The following ARHGAP30 variants were observed in gnomAD, a reference collection of about 807,000 sequenced individuals.
ARHGAP30 encodes Rho GTPase activating protein 30, also known as rho GTPase-activating protein 30.
ARHGAP30 carries 23 observed loss-of-function variants against 72.0 expected under a neutral mutation model. The observed-to-expected ratio is 0.32, with a 90% CI of 0.23 to 0.45. ARHGAP30 has a LOEUF of 0.45. ARHGAP30 is among the 20% of genes least tolerant of loss of function. The pLI is 1.00. For missense variants in ARHGAP30, 1,319 were observed against 1,383.4 expected (o/e 0.95, Z 0.74); for synonymous variants, 576 against 528.2 (o/e 1.09, Z -1.24).
At position 161,051,726 on chromosome 1, in the gene ARHGAP30, A is replaced by G. The variant is rs1308725313; in HGVS notation, c.1019-11T>C. ...CCAGCCCCTCTGGCTCTGTGGAGGA[A>G]AAAGAGGGCCAGGTAGGCAATAGCC... On this transcript the variant is annotated splice_polypyrimidine_tract_variant and intron_variant, in intron 9 of 11. Transcript: ENST00000368013. 6.3e-7 allele frequency: 1 copy of G among 1,593,530 alleles called. No individual in the cohort carries two copies. Among genetic ancestry groups the G allele is most frequent in the Non-Finnish European group, 8.5e-7 (1 of 1,170,418 alleles).
rs1481084775 is a variant in ARHGAP30, at chr1:161,049,121, C to T, written c.1900G>A (p.Glu634Lys). 6.2e-7 allele frequency: 1 copy of T among 1,614,168 alleles called. No homozygotes were observed. The highest frequency in any genetic ancestry group is 1.1e-5 in the South Asian group (1 of 91,074). ...PPIWKGSGSL[E>K]GEAAGCGRQA... ...CTTCCACATCCTGCTGCCTCTCCCTCCAGACTCCCTGAACCCTTCCAGATT... is the reference window on the plus strand; with the variant it reads ...CTTCCACATCCTGCTGCCTCTCCCTTCAGACTCCCTGAACCCTTCCAGATT... The change falls in exon 12 of 12, where the codon GAG becomes AAG. Residue 634 changes from glutamate (E) to lysine (K), a missense_variant. Coordinates refer to ENST00000368013, the MANE Select transcript of ARHGAP30 (RefSeq NM_001025598.2).
chr1:161,048,751 T>A lies in ARHGAP30; in HGVS notation c.2270A>T (p.Gln757Leu), dbSNP rs1398540624. The A allele has an allele frequency of 3.1e-6, 5 of 1,613,974 alleles. No homozygotes were observed. Among genetic ancestry groups the A allele is most frequent in the Non-Finnish European group, 4.2e-6 (5 of 1,180,018 alleles). The part of the protein sequence containing the change: ...EKEIEREEDE[Q>L]REEAQVEAGR... ...AGCTTCTACCTGGGCTTCCTCTCTT[T>A]GTTCATCCTCTTCTCTCTCAATTTC... Residue 757 changes from glutamine to leucine, a missense_variant, in exon 12 of 12, where the codon CAA becomes CTA. Transcript: ENST00000368013.
At position 161,048,934 on chromosome 1, in the gene ARHGAP30, C is replaced by A. The variant is rs746576464; in HGVS notation, c.2087G>T (p.Gly696Val). The change falls in exon 12 of 12, where the codon GGG becomes GTG. Residue 696 changes from glycine to valine, a missense_variant. Coordinates refer to ENST00000368013, the MANE Select transcript of ARHGAP30 (RefSeq NM_001025598.2). ...GKASEDRGEA[G>V]GSQETKVRLR... ...TCTGACTTTTGTCTCTTGGCTTCCC[C>A]CAGCCTCCCCTCTATCCTCACTGGC... 1 of 1,613,932 alleles carries A rather than the reference C, an allele frequency of 6.2e-7. No individual in the cohort carries two copies. Among genetic ancestry groups the A allele is most frequent in the African/African-American group, 1.3e-5 (1 of 74,916 alleles).
chr1:161,051,851 GCTTC>G, intron 9 of ARHGAP30, 136 bp from the exon 10 acceptor site: 1 of 1,427,036 alleles, frequency 7.0e-7, no homozygotes. Flanking sequence ...ACCAGGCCCA[GCTTC>G]TTTTGATCAC....
chr1:161,051,839 G>C lies in ARHGAP30; in HGVS notation c.1019-124C>G, dbSNP rs542865419. The C allele has an allele frequency of 3.7e-5, 53 of 1,431,702 alleles. No individual in the cohort carries two copies. The African/African-American group carries it at 7.0e-4, about 19-fold the overall frequency. The allele number at this position is 1,431,702 out of a possible 1,614,324, so 88.7% of individuals were successfully genotyped here. A position where few individuals can be genotyped will look rare whatever the true frequency, so the allele number is the denominator to read the frequency against. ...CTTGAAAGCAACGATAGCCTGGAAGGCACCAGGCCCAGCTTCTTTTGATCA... is the reference window on the plus strand; with the variant it reads ...CTTGAAAGCAACGATAGCCTGGAAGCCACCAGGCCCAGCTTCTTTTGATCA... On this transcript the variant is annotated intron_variant, in intron 9 of 11. Transcript: ENST00000368013.
At chr1:161,057,696 G>A (rs146020605) in intron 2 of ARHGAP30, among the ~76,000 whole-genome samples, 3 of 152,256 alleles carry the variant, frequency 2.0e-5, no homozygotes, top group African/African-American at 7.2e-5. Flanking sequence ...TGAAATATCA[G>A]TTTACATTTA....
chr1:161,057,751 A>G (rs1262132780), intron 2 of ARHGAP30, among the ~76,000 whole-genome samples: 1 of 152,256 alleles, frequency 6.6e-6, no homozygotes, highest in Admixed American at 6.5e-5. Flanking sequence ...GCAGTGGCTC[A>G]TGCCTGTAAT....
At chr1:161,055,852 AAAAT>A (rs1249987962) in intron 3 of ARHGAP30, among the ~76,000 whole-genome samples, 1,082 of 47,452 alleles carry the variant, frequency 0.023, 23 homozygotes, top group South Asian at 0.11. Flanking sequence ...TAAATAAAAT[AAAAT>A]AAATAAAATA....
At position 161,052,812 on chromosome 1, in the gene ARHGAP30, G is replaced by C; in HGVS notation, c.665-15C>G. On this transcript the variant is annotated splice_polypyrimidine_tract_variant and intron_variant, in intron 6 of 11. Transcript: ENST00000368013. ...CACCTCACCACCTGGGAAAAGAAAAGGAATTGGCCAGCCAGGAACAGAGCC... is the reference window on the plus strand; with the variant it reads ...CACCTCACCACCTGGGAAAAGAAAACGAATTGGCCAGCCAGGAACAGAGCC... 1.2e-6 allele frequency: 2 copies of C among 1,608,686 alleles called. No homozygotes were observed. Among genetic ancestry groups the C allele is most frequent in the Non-Finnish European group, 1.7e-6 (2 of 1,178,128 alleles).
At chr1:161,068,254 T>C (rs892822447) in intron 1 of ARHGAP30, among the ~76,000 whole-genome samples, 3 of 152,120 alleles carry the variant, frequency 2.0e-5, no homozygotes, top group African/African-American at 7.2e-5. Flanking sequence ...AGGAGTCCCT[T>C]AGAAAGGAGT....
At chr1:161,052,872 C>T in intron 6 of ARHGAP30, 75 bp from the exon 7 acceptor site, 1 of 1,535,296 alleles carries the variant, frequency 6.5e-7, no homozygotes, top group Non-Finnish European at 8.8e-7. Context: ...TCCTTCATCA[C>T]CCCTCGCCAA....
chr1:161,057,218 G>A (rs1050538830), intron 2 of ARHGAP30, among the ~76,000 whole-genome samples: 6 of 150,890 alleles, frequency 4.0e-5, no homozygotes, highest in East Asian at 3.9e-4. Context: ...GCAGTGGCAC[G>A]ATCTCTGCTC....
In ARHGAP30 at chr1:161,069,481, C is replaced by T. The variant is rs768655476; in HGVS notation, c.97+47G>A. 15 of 1,574,746 alleles carry T rather than the reference C, an allele frequency of 9.5e-6. No homozygotes were observed. The highest frequency in any genetic ancestry group is 1.7e-5 in the Admixed American group (1 of 59,900). On this transcript the variant is annotated intron_variant, in intron 1 of 11. Coordinates refer to ENST00000368013, the MANE Select transcript of ARHGAP30 (RefSeq NM_001025598.2). This position sits in a 1 kb window ranked among gnomAD's most constrained non-coding sequence, Gnocchi z 4.9. ...TCAGGCTGGATCGGGCTGCAGATGC[C>T]CAGTGCCTCCCCACCCACCCTGCAG...
chr1:161,069,492 C>A lies in ARHGAP30; in HGVS notation c.97+36G>T. ...CGGGCTGCAGATGCCCAGTGCCTCC[C>A]CACCCACCCTGCAGAAGCTGAGCCG... On this transcript the variant is annotated intron_variant, in intron 1 of 11. Coordinates refer to ENST00000368013, the MANE Select transcript of ARHGAP30 (RefSeq NM_001025598.2). This position sits in a 1 kb window ranked among gnomAD's most constrained non-coding sequence, Gnocchi z 4.9. 6.3e-7 allele frequency: 1 copy of A among 1,594,956 alleles called. No individual in the cohort carries two copies. The highest frequency in any genetic ancestry group is 8.5e-7 in the Non-Finnish European group (1 of 1,171,416).
chr1:161,064,508 C>T (rs1421720936), intron 1 of ARHGAP30, among the ~76,000 whole-genome samples: 1 of 152,036 alleles, frequency 6.6e-6, no homozygotes, highest in East Asian at 1.9e-4. Context: ...CCTGTAATCC[C>T]AACAGTTTGG....
rs772000966 is a variant in ARHGAP30, at chr1:161,069,654, A to C, written c.-30T>G. On this transcript the variant is annotated 5_prime_UTR_variant, in exon 1 of 12. Transcript: ENST00000368013. The surrounding 1 kb of genome is among the most constrained non-coding windows in gnomAD (Gnocchi z 4.9). ...AGAGCCCCAGGGCACTGGCCCGGTC[A>C]CCTCTATCCCCCAAGACCTGTGCCC... is the stretch of plus-strand genomic sequence containing the variant. 6.2e-6 allele frequency: 10 copies of C among 1,600,594 alleles called. No individual in the cohort carries two copies. The highest frequency in any genetic ancestry group is 7.7e-6 in the Non-Finnish European group (9 of 1,176,012).
In ARHGAP30 at chr1:161,051,321, G is replaced by T. The variant is rs773130420; in HGVS notation, c.1413C>A (p.Gly471=). The change falls in exon 10 of 12, where the codon GGC becomes GGA. Residue 471 remains glycine (G), a synonymous_variant. Coordinates refer to ENST00000368013, the MANE Select transcript of ARHGAP30 (RefSeq NM_001025598.2). ...CAATCAATGGGTCCTCACCTGGGGG[G>T]CCAGGGCCAAGGCCAGGGCCAGGGC... is the stretch of plus-strand genomic sequence containing the variant. ...GPGPGPGLGP[G]PPDEKLEASP... The T allele has an allele frequency of 2.1e-5, 33 of 1,596,770 alleles. No individual in the cohort carries two copies. The highest frequency in any genetic ancestry group is 2.7e-5 in the Non-Finnish European group (32 of 1,170,898).
intron 1 of ARHGAP30, among the ~76,000 whole-genome samples, chr1:161,067,870 G>C (rs929704151): frequency 6.6e-6 from 1 of 152,192 alleles, no homozygotes; most frequent in African/African-American, 2.4e-5. Flanking sequence ...CTCTGTACCA[G>C]GAAGACCTGA....
At chr1:161,058,421 G>A (rs1000536123) in intron 2 of ARHGAP30, among the ~76,000 whole-genome samples, 4 of 152,054 alleles carry the variant, frequency 2.6e-5, no homozygotes, top group Non-Finnish European at 1.5e-5. Context: ...GAGGTCAGGA[G>A]TTCAAGAGCA....
Sources: gnomAD v4.1 joint callset for allele counts (sites outside exome capture counted in the v4.1 genomes callset) on GRCh38, gnomAD v4.1.1 for gene constraint, Gnocchi (gnomAD v3.1) non-coding constraint, MANE v1.5 for transcripts, NCBI Gene and HGNC (gene_info 2026-07-23, HGNC 2026-07-21) for gene names.